EFCAB11: variants seen among roughly 807,000 people sequenced by gnomAD.
EFCAB11 encodes EF-hand calcium binding domain 11.
In EFCAB11, 14 loss-of-function variants were observed where a neutral mutation model predicts 23.0. That is an observed-to-expected ratio of 0.61 (90% CI 0.40 to 0.95). The LOEUF (loss-of-function observed/expected upper bound fraction) is 0.95. Ranked by LOEUF, EFCAB11 falls within the 40% of genes least tolerant of loss-of-function variation. EFCAB11 has a pLI of 0.00. For synonymous variants in EFCAB11, 65 were observed against 66.6 expected, an observed-to-expected ratio of 0.98 and a Z score of 0.11; for missense variants, 198 against 195.8, an observed-to-expected ratio of 1.01 and a Z score of -0.07.
chr14:89,807,069 T>C (rs2140083834), intron 5 of EFCAB11, among the ~76,000 whole-genome samples: 1 of 152,352 alleles, frequency 6.6e-6, no homozygotes, highest in South Asian at 2.1e-4. Context: ...TCACTTCAGC[T>C]GAGATACCCA....
chr14:89,932,460 T>A, intron 4 of EFCAB11, 66 bp downstream of exon 4: 1 of 1,213,922 alleles, frequency 8.2e-7, no homozygotes, highest in Middle Eastern at 2.1e-4. Context: ...TTACTGGGTA[T>A]ATAATCCTAT....
chr14:89,929,189 G>T (rs1443862531), intron 5 of EFCAB11, among the ~76,000 whole-genome samples: 1 of 151,782 alleles, frequency 6.6e-6, no homozygotes, highest in Admixed American at 6.6e-5. Context: ...TAGCAGCTAG[G>T]ACTACAGGTA....
intron 5 of EFCAB11, among the ~76,000 whole-genome samples, chr14:89,812,558 C>T (rs544334518): frequency 3.3e-5 from 5 of 152,154 alleles, no homozygotes; most frequent in South Asian, 4.2e-4. Flanking sequence ...GAACTAGGGG[C>T]GGAAAGGTGT....
intron 5 of EFCAB11, among the ~76,000 whole-genome samples, chr14:89,871,963 C>T (rs140156376): frequency 1.3e-3 from 198 of 152,274 alleles, no homozygotes; most frequent in Non-Finnish European, 2.6e-3. Context: ...AGCCCTATGA[C>T]GGGGCTCCGA....
At chr14:89,829,282 C>T (rs1311151300) in intron 5 of EFCAB11, among the ~76,000 whole-genome samples, 2 of 152,078 alleles carry the variant, frequency 1.3e-5, no homozygotes, top group African/African-American at 2.4e-5. Flanking sequence ...GGAGGTCCTG[C>T]TATGAAAAGA....
At chr14:89,872,223 T>A (rs1355804052) in intron 5 of EFCAB11, among the ~76,000 whole-genome samples, 1 of 152,240 alleles carries the variant, frequency 6.6e-6, no homozygotes, top group African/African-American at 2.4e-5. Context: ...CTATTGCTAT[T>A]TGCCATGTTT....
intron 5 of EFCAB11, among the ~76,000 whole-genome samples, chr14:89,910,800 G>A (rs1216553556): frequency 1.1e-4 from 17 of 152,102 alleles, no homozygotes; most frequent in Non-Finnish European, 7.3e-5. Flanking sequence ...GAAGAAGCAG[G>A]AAGAATGGCA....
intron 5 of EFCAB11, among the ~76,000 whole-genome samples, chr14:89,914,237 G>C (rs144524056): frequency 6.6e-6 from 1 of 152,130 alleles, no homozygotes; most frequent in South Asian, 2.1e-4. Context: ...TCTCATTAAC[G>C]CAGCATGAGG....
In EFCAB11 at chr14:89,878,553, T is replaced by G. The variant is rs182628458; in HGVS notation, c.410+52988A>C. ...TCACATTTAAATCATTTTTATAGAT[T>G]TGTTTTATCATACTGTATTAAAATA... is the stretch of plus-strand genomic sequence containing the variant. On this transcript the variant is annotated intron_variant, in intron 5 of 5. Coordinates refer to ENST00000316738, the MANE Select transcript of EFCAB11 (RefSeq NM_145231.4). Among the ~76,000 whole-genome samples, 3 of 152,312 alleles carry G rather than the reference T, an allele frequency of 2.0e-5. No homozygotes were observed. In the East Asian group the frequency reaches 5.8e-4, roughly 29 times the overall value.
chr14:89,903,847 A>G (rs1172406681), intron 5 of EFCAB11, among the ~76,000 whole-genome samples: 2 of 152,198 alleles, frequency 1.3e-5, no homozygotes, highest in African/African-American at 2.4e-5. Context: ...TCATATGTAC[A>G]CAATGGAACA....
chr14:89,859,214 T>C (rs1414199943), intron 5 of EFCAB11, among the ~76,000 whole-genome samples: 1 of 152,184 alleles, frequency 6.6e-6, no homozygotes, highest in African/African-American at 2.4e-5. Context: ...AAACTATAAC[T>C]TGGTATGGGT....
At chr14:89,837,514 C>T (rs1008107076) in intron 5 of EFCAB11, among the ~76,000 whole-genome samples, 3 of 152,194 alleles carry the variant, frequency 2.0e-5, no homozygotes, top group Non-Finnish European at 4.4e-5. Context: ...AGTCTCTGGG[C>T]ACCTCAAATG....
At chr14:89,951,757 A>C (rs1487346790) in intron 2 of EFCAB11, among the ~76,000 whole-genome samples, 7 of 151,068 alleles carry the variant, frequency 4.6e-5, no homozygotes, top group African/African-American at 1.5e-4. Flanking sequence ...AAAAACACAA[A>C]AAAAAAAAAA....
chr14:89,941,119 C>T (rs1299542397), intron 3 of EFCAB11, among the ~76,000 whole-genome samples: 1 of 152,212 alleles, frequency 6.6e-6, no homozygotes, highest in African/African-American at 2.4e-5. Flanking sequence ...AGCCTCCCCT[C>T]CATGAGACAT....
At chr14:89,800,938 G>A (rs1056746268) in intron 5 of EFCAB11, among the ~76,000 whole-genome samples, 1 of 151,900 alleles carries the variant, frequency 6.6e-6, no homozygotes, top group African/African-American at 2.4e-5. Flanking sequence ...AGCTACTCGG[G>A]AGGCTGAGGC....
chr14:89,811,263 T>G (rs1473532711), intron 5 of EFCAB11, among the ~76,000 whole-genome samples: 2 of 152,126 alleles, frequency 1.3e-5, no homozygotes, highest in Non-Finnish European at 2.9e-5. Context: ...ATGCATGGGC[T>G]GGAACTATTC....
intron 5 of EFCAB11, among the ~76,000 whole-genome samples, chr14:89,918,566 A>G (rs1008755271): frequency 6.6e-6 from 1 of 151,910 alleles, no homozygotes; most frequent in Non-Finnish European, 1.5e-5. Flanking sequence ...AAGAAGAAGA[A>G]AGAAAATTAA....
At chr14:89,875,870 G>A (rs1468461728) in intron 5 of EFCAB11, among the ~76,000 whole-genome samples, 3 of 152,146 alleles carry the variant, frequency 2.0e-5, no homozygotes, top group Non-Finnish European at 4.4e-5. Context: ...ATTGGAAAGG[G>A]CATGCAGGCA....
intron 5 of EFCAB11, chr14:89,924,242 G>C: frequency 1.0e-6 from 1 of 993,976 alleles, no homozygotes; most frequent in Non-Finnish European, 1.2e-6. Flanking sequence ...ACCTTCCCTT[G>C]TGTAATATGA....
Sources: gnomAD v4.1 joint callset for allele counts (sites outside exome capture counted in the v4.1 genomes callset) on GRCh38, gnomAD v4.1.1 for gene constraint, MANE v1.5 for transcripts, NCBI Gene and HGNC (gene_info 2026-07-23, HGNC 2026-07-21) for gene names.